The following SLC44A1 variants were observed in gnomAD, a reference collection of about 807,000 sequenced individuals.
SLC44A1 encodes choline transporter-like protein 1.
A neutral mutation model predicts 79.3 loss-of-function variants in SLC44A1; 26 were observed. The observed-to-expected ratio is 0.33, with a 90% CI of 0.24 to 0.46. The LOEUF is 0.46. Among genes scored for constraint, SLC44A1 ranks in the 20% least tolerant of loss-of-function variants. The pLI, the probability that SLC44A1 is intolerant of heterozygous loss-of-function variation, is 1.00. For missense variants in SLC44A1, 688 were observed against 798.1 expected, an observed-to-expected ratio of 0.86 and a Z score of 1.66; for synonymous variants, 263 against 286.2, an observed-to-expected ratio of 0.92 and a Z score of 0.82.
At chr9:105,332,487 G>C (rs1275704183) in intron 3 of SLC44A1, among the ~76,000 whole-genome samples, 1 of 152,200 alleles carries the variant, frequency 6.6e-6, no homozygotes, top group East Asian at 1.9e-4. Flanking sequence ...ATGTATGTGA[G>C]TGTGTATTTC....
At chr9:105,356,486 T>A in intron 6 of SLC44A1, 105 bp downstream of exon 6, 1 of 681,904 alleles carries the variant, frequency 1.5e-6, no homozygotes, top group Non-Finnish European at 2.4e-6. Flanking sequence ...GTAAAATGTT[T>A]AACTTCCCAT....
Position 105,391,006 on chromosome 9 carries a change from G to T in SLC44A1, c.*1950G>T. 1.0e-6 allele frequency: 1 copy of T among 985,426 alleles called. No homozygotes were observed. The highest frequency in any genetic ancestry group is 1.2e-6 in the Non-Finnish European group (1 of 829,590). 61.0% of individuals were successfully genotyped at this position (985,426 alleles called of 1,614,324 possible). Reference sequence around the variant, plus strand: ...AGAGCAAATCATGTGAGAAAATTCAGAATACCATCTGTTTCATAGCCGCAC... The same window carrying T: ...AGAGCAAATCATGTGAGAAAATTCATAATACCATCTGTTTCATAGCCGCAC... On this transcript the variant is annotated 3_prime_UTR_variant, in exon 16 of 16. Transcript: ENST00000374720.
At chr9:105,342,377 T>C (rs528174264) in intron 4 of SLC44A1, among the ~76,000 whole-genome samples, 1 of 152,304 alleles carries the variant, frequency 6.6e-6, no homozygotes, top group East Asian at 1.9e-4. Flanking sequence ...CTATCAGTTA[T>C]CAGATCAAAA....
At position 105,390,233 on chromosome 9, in the gene SLC44A1, T is replaced by TA. The variant is rs1476241669; in HGVS notation, c.*1178dup. 4.1e-5 allele frequency: 45 copies of TA among 1,096,106 alleles called. No homozygotes were observed. The highest frequency in any genetic ancestry group is 4.7e-5 in the Non-Finnish European group (42 of 901,620). 67.9% of individuals were successfully genotyped at this position (1,096,106 alleles called of 1,614,324 possible). A position where few individuals can be genotyped will look rare whatever the true frequency, so the allele number is the denominator to read the frequency against. On this transcript the variant is annotated 3_prime_UTR_variant, in exon 16 of 16. Coordinates refer to ENST00000374720, the MANE Select transcript of SLC44A1 (RefSeq NM_080546.5). ...AAGCTTACCAGATATGAATGGCTAA[T>TA]ACTCCATTGTTCTGCTTGTTGTAAT...
At chr9:105,313,674 TC>T (rs1195670468) in intron 3 of SLC44A1, among the ~76,000 whole-genome samples, 1 of 152,208 alleles carries the variant, frequency 6.6e-6, no homozygotes, top group Non-Finnish European at 1.5e-5. Flanking sequence ...TCTGTCACAT[TC>T]TAGATTGTCT....
Position 105,422,551 on chromosome 9 carries a change from G to A in SLC44A1, c.1951-15730G>A, listed in dbSNP as rs1322999835. 2.0e-5 allele frequency among the ~76,000 whole-genome samples: 3 copies of A among 152,044 alleles called. No homozygotes were observed. In the South Asian group the frequency reaches 6.2e-4, roughly 32 times the overall value. ...ATCTGTCCCTTCAGCCTCCCAAAGT[G>A]CTGGGATTACAGGTGTGAGCCACTG... On this transcript the variant is annotated intron_variant, in intron 15 of 15. Transcript: ENST00000374724.
At chr9:105,403,736 C>T (rs78222946) in intron 15 of SLC44A1, among the ~76,000 whole-genome samples, 9,401 of 149,292 alleles carry the variant, frequency 0.063, 363 homozygotes, top group Non-Finnish European at 0.084. Context: ...CTGTAATAAG[C>T]AAATAAGCCT....
chr9:105,425,099 A>T (rs1829303652), intron 15 of SLC44A1, among the ~76,000 whole-genome samples: 1 of 152,218 alleles, frequency 6.6e-6, no homozygotes, highest in Admixed American at 6.5e-5. Flanking sequence ...TTCATATTTT[A>T]AAAACAAAAA....
intron 9 of SLC44A1, among the ~76,000 whole-genome samples, chr9:105,363,326 C>T (rs1827840909): frequency 6.6e-6 from 1 of 152,016 alleles, no homozygotes; most frequent in Non-Finnish European, 1.5e-5. Flanking sequence ...CCATGCCTGG[C>T]TAATTTTTGT....
intron 1 of SLC44A1, among the ~76,000 whole-genome samples, chr9:105,278,509 A>C (rs903977784): frequency 6.6e-6 from 1 of 152,098 alleles, no homozygotes; most frequent in South Asian, 2.1e-4. Flanking sequence ...CGGCCTCCCG[A>C]AGTGCTGGGA....
intron 15 of SLC44A1, among the ~76,000 whole-genome samples, chr9:105,405,344 G>A (rs557586958): frequency 5.9e-5 from 9 of 151,910 alleles, no homozygotes; most frequent in African/African-American, 2.2e-4. Context: ...AGCTAATGGT[G>A]GGATGATATG....
chr9:105,371,565 AC>A (rs1828100395), intron 12 of SLC44A1, among the ~76,000 whole-genome samples: 1 of 152,042 alleles, frequency 6.6e-6, no homozygotes, highest in Admixed American at 6.6e-5. Flanking sequence ...CCCCGTCTCT[AC>A]TAAAAATACA....
At chr9:105,397,469 C>A, downstream of SLC44A1, 2 of 468,314 alleles carry the variant, frequency 4.3e-6, no homozygotes, top group Non-Finnish European at 5.6e-6. Flanking sequence ...AATTTCCCAG[C>A]TGTTCCTTTC....
intron 15 of SLC44A1, among the ~76,000 whole-genome samples, chr9:105,425,801 C>T (rs147537484): frequency 0.043 from 6,544 of 152,128 alleles, 458 homozygotes; most frequent in African/African-American, 0.15. Flanking sequence ...CCAGCCTGGG[C>T]GGCAGAGCAA....
downstream of SLC44A1, among the ~76,000 whole-genome samples, chr9:105,400,170 G>C (rs143504688): frequency 6.6e-6 from 1 of 151,626 alleles, no homozygotes; most frequent in South Asian, 2.1e-4. Flanking sequence ...ACTGCAGCCC[G>C]GGCAGCAAGA....
intron 1 of SLC44A1, among the ~76,000 whole-genome samples, chr9:105,295,437 A>T (rs1830698984): frequency 6.6e-6 from 1 of 152,258 alleles, no homozygotes; most frequent in Non-Finnish European, 1.5e-5. Flanking sequence ...GTGCTGTTGC[A>T]AAACAGTTTA....
chr9:105,378,141 T>C (rs1377825067), intron 13 of SLC44A1, among the ~76,000 whole-genome samples: 1 of 152,126 alleles, frequency 6.6e-6, no homozygotes, highest in African/African-American at 2.4e-5. Context: ...TCCCAGCTAC[T>C]TGGAAGCTGA....
At chr9:105,386,092 T>C in intron 15 of SLC44A1, 1 of 985,008 alleles carries the variant, frequency 1.0e-6, no homozygotes, top group African/African-American at 1.7e-5. Flanking sequence ...AGTAAGACAA[T>C]CTAGTCTTCT....
At chr9:105,286,828 G>A (rs1049848549) in intron 1 of SLC44A1, among the ~76,000 whole-genome samples, 1 of 152,128 alleles carries the variant, frequency 6.6e-6, no homozygotes, top group East Asian at 1.9e-4. Context: ...GCCAGGTATA[G>A]CAGTGCATGC....
Sources: allele counts gnomAD v4.1 joint callset (sites outside exome capture counted in the v4.1 genomes callset), GRCh38; gene constraint gnomAD v4.1.1; transcripts MANE v1.5; gene names NCBI Gene and HGNC (gene_info 2026-07-23, HGNC 2026-07-21).